ST13: variants seen among roughly 807,000 people sequenced by gnomAD.
ST13 encodes hsc70-interacting protein.
ST13 carries 23 observed loss-of-function variants against 56.7 expected under a neutral mutation model. The ratio of observed to expected loss-of-function variants is 0.41; its 90% CI spans 0.29 to 0.57. ST13 has a LOEUF of 0.57. ST13 is among the 20% of genes least tolerant of loss of function. The pLI is 0.36. For synonymous variants in ST13, 132 were observed against 142.4 expected, an observed-to-expected ratio of 0.93 and a Z score of 0.52; for missense variants, 369 against 459.9, an observed-to-expected ratio of 0.80 and a Z score of 1.81.
At chr22:40,855,873 A>AC (rs1237898769) in intron 1 of ST13, among the ~76,000 whole-genome samples, 4,419 of 152,258 alleles carry the variant, frequency 0.029, 199 homozygotes, top group African/African-American at 0.1. Context: ...TAACACTGCC[A>AC]AGTAACGGAG....
At chr22:40,842,368 A>T (rs2057808564) in intron 4 of ST13, among the ~76,000 whole-genome samples, 1 of 152,248 alleles carries the variant, frequency 6.6e-6, no homozygotes, top group African/African-American at 2.4e-5. Context: ...AAATAAGAGT[A>T]AGACCAGCGA....
At chr22:40,845,805 CAAA>C (rs552928048) in intron 3 of ST13, among the ~76,000 whole-genome samples, 2 of 143,924 alleles carry the variant, frequency 1.4e-5, no homozygotes, top group Non-Finnish European at 1.5e-5. Context: ...TTTCCTTAGT[CAAA>C]AAAAAAAAAT....
At chr22:40,828,020 A>C (rs547115854) in intron 10 of ST13, among the ~76,000 whole-genome samples, 24 of 152,336 alleles carry the variant, frequency 1.6e-4, no homozygotes, top group African/African-American at 5.8e-4. Context: ...TGTTTCAACT[A>C]TACTCTTCTA....
At chr22:40,835,935 T>C in intron 5 of ST13, 48 bp from the exon 6 acceptor site, 2 of 1,434,834 alleles carry the variant, frequency 1.4e-6, no homozygotes, top group South Asian at 1.2e-5. Flanking sequence ...GATAAAAATA[T>C]TAATAAAAAG....
Position 40,826,673 on chromosome 22 carries a change from A to G in ST13, c.982-7T>C, listed in dbSNP as rs1353908332. The G allele has an allele frequency of 1.9e-6, 3 of 1,609,644 alleles. No homozygotes were observed. The Admixed American group carries it at 5.0e-5, about 27-fold the overall frequency. On this transcript the variant is annotated splice_region_variant and splice_polypyrimidine_tract_variant and intron_variant, in intron 11 of 11. Transcript: ENST00000216218. ...CCACCATAACTTCTGGATCCTGAAA[A>G]GAAAGGGTTCATTAGTATTTAAAAA... is the stretch of plus-strand genomic sequence containing the variant.
At chr22:40,847,528 G>C (rs568947846) in intron 3 of ST13, among the ~76,000 whole-genome samples, 1 of 142,250 alleles carries the variant, frequency 7.0e-6, no homozygotes, top group African/African-American at 2.6e-5. Flanking sequence ...CAGCCTGGGC[G>C]ACACAGTGAG....
Position 40,830,659 on chromosome 22 carries a change from A to C in ST13, c.798+181T>G, listed in dbSNP as rs9611424. ...AAATAAAAGCTCACTGAATAATTTA[A>C]GACTAAAAATGTCCCCCAAATTAGA... is the stretch of plus-strand genomic sequence containing the variant. On this transcript the variant is annotated intron_variant, in intron 9 of 11. Transcript: ENST00000216218. 6.4e-3 allele frequency among the ~76,000 whole-genome samples: 975 copies of C among 152,360 alleles called. 5 individuals carry two copies. The highest frequency in any genetic ancestry group is 0.011 in the Non-Finnish European group (739 of 68,028).
chr22:40,839,036 C>T (rs1258168133), intron 5 of ST13, among the ~76,000 whole-genome samples: 1 of 151,718 alleles, frequency 6.6e-6, no homozygotes, highest in Non-Finnish European at 1.5e-5. Context: ...AATATATATG[C>T]AAAAGTTAAT....
In ST13 at chr22:40,851,742, A is replaced by T. The variant is rs558473132; in HGVS notation, c.111-862T>A. On this transcript the variant is annotated intron_variant, in intron 1 of 11. Coordinates refer to ENST00000216218, the MANE Select transcript of ST13 (RefSeq NM_003932.5). The stretch of plus-strand genomic sequence containing the variant: ...GGATATATTAACTTTGAAAACAGAA[A>T]GGGTTCTTTTTTTTTTTTTTTGAGA... Among the ~76,000 whole-genome samples the T allele has an allele frequency of 5.9e-5, 9 of 151,508 alleles. No homozygotes were observed. In the South Asian group the frequency reaches 1.9e-3, roughly 32 times the overall value.
intron 7 of ST13, among the ~76,000 whole-genome samples, chr22:40,833,308 G>A (rs1017325965): frequency 6.6e-6 from 1 of 152,104 alleles, no homozygotes; most frequent in Admixed American, 6.5e-5. Flanking sequence ...GGTGGCTCAC[G>A]TCTGTAATCC....
chr22:40,837,360 A>C (rs576877897), intron 5 of ST13, among the ~76,000 whole-genome samples: 1 of 152,312 alleles, frequency 6.6e-6, no homozygotes, highest in East Asian at 1.9e-4. Flanking sequence ...TCACGCCTGT[A>C]ATCTCAGCAC....
Position 40,830,865 on chromosome 22 carries a change from C to G in ST13, c.773G>C (p.Arg258Pro). 1 of 1,608,254 alleles carries G rather than the reference C, an allele frequency of 6.2e-7. No individual in the cohort carries two copies. Among genetic ancestry groups the G allele is most frequent in the African/African-American group, 1.3e-5 (1 of 74,970 alleles). ...KERIERVKKA[R>P]EEHERAQREE... ...CCTCTGGGCTCTCTCATGCTCTTCT[C>G]GAGCCTTCTTAACTCGTTCTATTCT... Residue 258 changes from arginine to proline, a missense_variant, in exon 9 of 12, where the codon CGA (arginine) becomes CCA (proline). Transcript: ENST00000216218.
intron 5 of ST13, among the ~76,000 whole-genome samples, chr22:40,836,286 T>C (rs1156623623): frequency 2.0e-5 from 3 of 151,980 alleles, no homozygotes; most frequent in Non-Finnish European, 4.4e-5. Flanking sequence ...CCATCTCTAC[T>C]AAAAAATACA....
chr22:40,855,462 C>T (rs1359412389), intron 1 of ST13, among the ~76,000 whole-genome samples: 1 of 152,174 alleles, frequency 6.6e-6, no homozygotes, highest in African/African-American at 2.4e-5. Context: ...AGTCACTAAA[C>T]ACATAACGTT....
chr22:40,852,012 G>A (rs997336317), intron 1 of ST13, among the ~76,000 whole-genome samples: 2 of 152,192 alleles, frequency 1.3e-5, no homozygotes, highest in Non-Finnish European at 2.9e-5. Context: ...CAAAGTGCTG[G>A]ATTTACAGGC....
chr22:40,842,376 C>A (rs1303830233), intron 4 of ST13, among the ~76,000 whole-genome samples: 2 of 152,010 alleles, frequency 1.3e-5, no homozygotes, highest in Admixed American at 6.6e-5. Context: ...GTAAGACCAG[C>A]GAAGAGTTCA....
In ST13 at chr22:40,856,567, G is replaced by C. The variant is rs764248032; in HGVS notation, c.-27C>G. ...GTAGGGAGGTGGTGGGCGAAACTGG[G>C]GGGGCTACGGCCCGGTTCCAGGCCC... On this transcript the variant is annotated 5_prime_UTR_variant, in exon 1 of 12. Transcript: ENST00000216218. The C allele has an allele frequency of 9.4e-6, 15 of 1,589,980 alleles. No individual in the cohort carries two copies. In the African/African-American group the frequency reaches 1.1e-4, roughly 11 times the overall value.
At chr22:40,841,805 C>T (rs1039635091) in intron 4 of ST13, among the ~76,000 whole-genome samples, 1 of 151,410 alleles carries the variant, frequency 6.6e-6, no homozygotes, top group African/African-American at 2.4e-5. Context: ...GCTGCCCAGG[C>T]TGGTCTAGAA....
Position 40,832,665 on chromosome 22 carries a change from T to C in ST13, c.585A>G (p.Leu195=), listed in dbSNP as rs750170077. The stretch of plus-strand genomic sequence containing the variant: ...CATGGGCTGCTTCTTCCCAGTGGCC[T>C]AGAAGTCTGAAACAGATTTACACTC... The part of the protein sequence containing the change: ...YKWRGKAHRL[L]GHWEEAAHDL... The change falls in exon 8 of 12, where the codon CTA becomes CTG. Residue 195 remains leucine, a synonymous_variant. Transcript: ENST00000216218. 6 of 1,599,254 alleles carry C rather than the reference T, an allele frequency of 3.8e-6. No individual in the cohort carries two copies. The Admixed American group carries it at 6.7e-5, about 18-fold the overall frequency.
Sources: allele counts gnomAD v4.1 joint callset (sites outside exome capture counted in the v4.1 genomes callset), GRCh38; gene constraint gnomAD v4.1.1; transcripts MANE v1.5; gene names NCBI Gene and HGNC (gene_info 2026-07-23, HGNC 2026-07-21).